The following CCDC39 variants were observed in gnomAD, a reference collection of about 807,000 sequenced individuals.
CCDC39 encodes the protein coiled-coil domain 39 molecular ruler complex subunit.
Under a neutral mutation model 121.0 loss-of-function variants are expected in CCDC39, and 113 were observed. The ratio of observed to expected loss-of-function variants is 0.93; its 90% CI spans 0.80 to 1.09. The LOEUF (loss-of-function observed/expected upper bound fraction) is 1.09, where lower values mean the gene tolerates loss of function less well. CCDC39 is among the 50% of genes least tolerant of loss of function. The pLI, the probability that CCDC39 is intolerant of heterozygous loss-of-function variation, is 0.00. For synonymous variants in CCDC39, 349 were observed against 352.2 expected (o/e 0.99, Z 0.10); for missense variants, 1,063 against 1,074.7 (o/e 0.99, Z 0.15).
Position 180,654,241 on chromosome 3 carries a change from AAG to A in CCDC39, c.930+519_930+520del, listed in dbSNP as rs200624446. Among the ~76,000 whole-genome samples, 989 of 132,384 alleles carry A rather than the reference AAG, an allele frequency of 7.5e-3. 16 individuals carry two copies. Among genetic ancestry groups the A allele is most frequent in the East Asian group, 0.012 (56 of 4,640 alleles). 86.8% of individuals were successfully genotyped at this position (132,384 alleles called of 152,430 possible). On this transcript the variant is annotated intron_variant, in intron 7 of 19. Transcript: ENST00000476379. ...ACACGCAAAAAAAAAAAAAAAAAAAAAGAGAGAAAGAAATTGGGCTTTTCTCT... is the reference window on the plus strand; with the variant it reads ...ACACGCAAAAAAAAAAAAAAAAAAAAAGAGAAAGAAATTGGGCTTTTCTCT...
In CCDC39 at chr3:180,616,691, G is replaced by T. The variant is rs772704070; in HGVS notation, c.2411C>A (p.Ala804Glu). The change falls in exon 18 of 20, where the codon GCA becomes GAA. Residue 804 changes from alanine to glutamate, a missense_variant. By Grantham distance (107) the Ala-to-Glu change is moderately radical. Coordinates refer to ENST00000476379, the MANE Select transcript of CCDC39 (RefSeq NM_181426.2). ...AAGACGGATTTCCTTTGTGAGTTTT[G>T]CACACTGTTGGTAAATAATAGTCAA... ...PKLERVTKQC[A>E]KLTKEIRLLK... 1.9e-6 allele frequency: 3 copies of T among 1,585,712 alleles called. No homozygotes were observed. The highest frequency in any genetic ancestry group is 2.6e-6 in the Non-Finnish European group (3 of 1,164,290).
intron 1 of CCDC39, among the ~76,000 whole-genome samples, chr3:180,678,640 C>T (rs972220305): frequency 6.6e-6 from 1 of 151,620 alleles, no homozygotes; most frequent in East Asian, 1.9e-4. Flanking sequence ...AGGTGTGAGC[C>T]ACTGCGCCCG....
At chr3:180,644,929 G>A (rs1718037127) in intron 11 of CCDC39, among the ~76,000 whole-genome samples, 1 of 152,062 alleles carries the variant, frequency 6.6e-6, no homozygotes, top group African/African-American at 2.4e-5. Context: ...TCATCACATG[G>A]TTTACCACTC....
chr3:180,653,533 A>C (rs571826841), intron 7 of CCDC39, among the ~76,000 whole-genome samples: 1 of 152,306 alleles, frequency 6.6e-6, no homozygotes, highest in African/African-American at 2.4e-5. Context: ...TTAGGTTGAC[A>C]GATTCAATAC....
At chr3:180,673,122 G>C (rs1365042102) in intron 1 of CCDC39, among the ~76,000 whole-genome samples, 1 of 152,244 alleles carries the variant, frequency 6.6e-6, no homozygotes, top group East Asian at 1.9e-4. Flanking sequence ...GCAGTTCCTT[G>C]AGATAGTATC....
chr3:180,670,788 A>C (rs756707524), intron 1 of CCDC39, among the ~76,000 whole-genome samples: 9 of 152,094 alleles, frequency 5.9e-5, no homozygotes, highest in Non-Finnish European at 1.0e-4. Context: ...GTGGGTCTAG[A>C]CTCAAAGGCA....
At chr3:180,662,108 A>G in intron 2 of CCDC39, 101 bp from the exon 3 acceptor site, 1 of 1,118,994 alleles carries the variant, frequency 8.9e-7, no homozygotes, top group East Asian at 2.6e-5. Context: ...GTTCCCATAA[A>G]TTGCTTACAT....
chr3:180,617,851 C>G lies in CCDC39; in HGVS notation c.2266-885G>C, dbSNP rs553479642. ...TGTAGCCTAGGTGTACATTATTTAT[C>G]ATGTCTACAGTAGTGTTCAGCAATT... On this transcript the variant is annotated intron_variant, in intron 16 of 19. Transcript: ENST00000476379. 233 of 177,486 alleles carry G rather than the reference C, an allele frequency of 1.3e-3. 2 individuals are homozygous for G. The highest frequency in any genetic ancestry group is 5.1e-3 in the African/African-American group (219 of 42,636). The allele number at this position is 177,486 out of a possible 1,614,324, so 11.0% of individuals were successfully genotyped here.
chr3:180,670,344 T>C (rs999229560), intron 1 of CCDC39, among the ~76,000 whole-genome samples: 4 of 151,882 alleles, frequency 2.6e-5, no homozygotes, highest in Admixed American at 6.6e-5. Context: ...TGTAATTAAT[T>C]CCTGAAGATG....
intron 1 of CCDC39, among the ~76,000 whole-genome samples, chr3:180,676,138 A>G (rs1238961182): frequency 6.6e-6 from 1 of 152,236 alleles, no homozygotes; most frequent in Admixed American, 6.5e-5. Flanking sequence ...GCCAAAATTG[A>G]CAAATGGGAT....
intron 1 of CCDC39, among the ~76,000 whole-genome samples, chr3:180,676,485 A>G (rs1201096518): frequency 1.3e-5 from 2 of 152,278 alleles, no homozygotes; most frequent in Non-Finnish European, 2.9e-5. Flanking sequence ...TTAAAAAGTC[A>G]GGAAACAACA....
intron 14 of CCDC39, among the ~76,000 whole-genome samples, chr3:180,623,239 T>C (rs1408453669): frequency 1.3e-5 from 2 of 151,754 alleles, no homozygotes; most frequent in African/African-American, 2.4e-5. Flanking sequence ...CCATTTACTC[T>C]AGGTTTTCTA....
intron 14 of CCDC39, 113 bp downstream of exon 14, chr3:180,631,356 A>G: frequency 2.0e-6 from 2 of 992,332 alleles, no homozygotes; most frequent in African/African-American, 1.6e-5. Flanking sequence ...GCTAGATTTC[A>G]TGGAGGGAAA....
At chr3:180,662,375 G>T (rs1201220922) in intron 2 of CCDC39, among the ~76,000 whole-genome samples, 1 of 152,020 alleles carries the variant, frequency 6.6e-6, no homozygotes, top group African/African-American at 2.4e-5. Context: ...TATATGAATT[G>T]ATCACATATT....
rs1576943651 is a variant in CCDC39 at position 180,647,113 on chromosome 3, C to T, written c.1493G>A (p.Cys498Tyr). 1 of 1,609,044 alleles carries T rather than the reference C, an allele frequency of 6.2e-7. No homozygotes were observed. Among genetic ancestry groups the T allele is most frequent in the East Asian group, 2.2e-5 (1 of 44,738 alleles). Residue 498 changes from cysteine to tyrosine, a missense_variant, in exon 11 of 20, where the codon TGT becomes TAT. Transcript: ENST00000476379. The part of the protein sequence containing the change: ...RKSLEEKKST[C>Y]GLLETQIKKL... ...CTTGATCTGTGTTTCCAAAAGGCCA[C>T]ATGTAGATTTTTTCTCTTCCAAAGA...
chr3:180,654,230 AAAAAAAAAAAAAG>A (rs1270251681), intron 7 of CCDC39, among the ~76,000 whole-genome samples: 1 of 150,150 alleles, frequency 6.7e-6, no homozygotes, highest in East Asian at 1.9e-4. Flanking sequence ...GCAAAAAAAA[AAAAAAAAAAAAAG>A]AGAGAAAGAA....
intron 10 of CCDC39, among the ~76,000 whole-genome samples, chr3:180,647,612 T>C (rs1718103673): frequency 6.6e-6 from 1 of 152,120 alleles, no homozygotes; most frequent in Non-Finnish European, 1.5e-5. Flanking sequence ...TTGTTAGCCA[T>C]GAAAGGTTCA....
At chr3:180,615,940 T>C (rs2108403645) in intron 19 of CCDC39, among the ~76,000 whole-genome samples, 1 of 152,352 alleles carries the variant, frequency 6.6e-6, no homozygotes, top group Admixed American at 6.5e-5. Flanking sequence ...CTTACATGTT[T>C]TTAAAAAAAT....
intron 7 of CCDC39, among the ~76,000 whole-genome samples, chr3:180,653,942 T>A (rs1004747510): frequency 2.0e-5 from 3 of 152,040 alleles, no homozygotes; most frequent in African/African-American, 7.2e-5. Context: ...TTTGTTTCCC[T>A]TTTTATTGTT....
Sources: allele counts gnomAD v4.1 joint callset (sites outside exome capture counted in the v4.1 genomes callset), GRCh38; gene constraint gnomAD v4.1.1; transcripts MANE v1.5; gene names NCBI Gene and HGNC (gene_info 2026-07-23, HGNC 2026-07-21).